The following TIPIN variants were observed in gnomAD, a reference collection of about 807,000 sequenced individuals.
TIPIN encodes TIMELESS-interacting protein.
Under a neutral mutation model 35.6 loss-of-function variants are expected in TIPIN, and 29 were observed. The observed-to-expected ratio is 0.82, with a 90% confidence interval of 0.61 to 1.11. TIPIN has a LOEUF of 1.11. Ranked by LOEUF, TIPIN falls within the 50% of genes most tolerant of loss-of-function variation. The pLI is 0.00. For missense variants in TIPIN, 296 were observed against 345.4 expected (o/e 0.86, Z 1.13); for synonymous variants, 102 against 121.5 (o/e 0.84, Z 1.06).
rs928699172 is a variant in TIPIN at position 66,379,807 on chromosome 15, C to T, written c.-9+6800G>A. 13 of 1,599,320 alleles carry T rather than the reference C, an allele frequency of 8.1e-6. No homozygotes were observed. The South Asian group carries it at 8.8e-5, about 11-fold the overall frequency. Reference sequence around the variant, plus strand: ...AGTTCTACATTGATGTGATTGAAGTCCCTCCGCAGGGTTCCTCTGGGGCCA... The same window carrying T: ...AGTTCTACATTGATGTGATTGAAGTTCCTCCGCAGGGTTCCTCTGGGGCCA... On this transcript the variant is annotated intron_variant, in intron 1 of 7. Coordinates refer to the TIPIN transcript ENST00000562124.
chr15:66,341,173 C>T lies in TIPIN; in HGVS notation c.659G>A (p.Ser220Asn), dbSNP rs1400694852. The T allele has an allele frequency of 1.9e-6, 3 of 1,611,786 alleles. No homozygotes were observed. The highest frequency in any genetic ancestry group is 3.3e-5 in the Admixed American group (2 of 59,978). ...ALERRQAKLLSNSQTLGNDML... is the reference protein window; with the variant it reads ...ALERRQAKLLNNSQTLGNDML... ...ACCATTTCCTAGGGTCTGACTATTA[C>T]TCAGCAGCTTTGCCTGCCTTCTTTC... Residue 220 changes from serine (S) to asparagine (N), a missense_variant, in exon 7 of 8, where the codon AGT becomes AAT. Physicochemically the swap from Ser to Asn is conservative, Grantham distance 46. Coordinates refer to ENST00000261881, the MANE Select transcript of TIPIN (RefSeq NM_017858.3).
chr15:66,343,807 G>T (rs1203848166), intron 6 of TIPIN, among the ~76,000 whole-genome samples: 2 of 151,974 alleles, frequency 1.3e-5, no homozygotes, highest in East Asian at 3.9e-4. Context: ...AAGACCAGTC[G>T]GACCAACATG....
intron 1 of TIPIN, among the ~76,000 whole-genome samples, chr15:66,369,801 A>C (rs1334131281): frequency 6.6e-6 from 1 of 152,206 alleles, no homozygotes; most frequent in Non-Finnish European, 1.5e-5. Flanking sequence ...AAACTTTATA[A>C]TGGCTCTGCT....
chr15:66,349,104 C>T lies in TIPIN; in HGVS notation c.431G>A (p.Arg144Gln), dbSNP rs770703850. Residue 144 changes from arginine (R) to glutamine (Q), a missense_variant, in exon 6 of 8, where the codon CGA (arginine) becomes CAA (glutamine). Transcript: ENST00000261881. Reference protein sequence around the residue: ...KEVQTCLKRIRLDLPILHEDF... With the variant: ...KEVQTCLKRIQLDLPILHEDF... ...TTCATGTAAAATAGGGAGATCAAGT[C>T]GAATTCGTTTTAAACAGGTCTGAAA... The T allele has an allele frequency of 1.8e-5, 29 of 1,610,402 alleles. No individual in the cohort carries two copies. Among genetic ancestry groups the T allele is most frequent in the Non-Finnish European group, 2.2e-5 (26 of 1,178,444 alleles).
intron 1 of TIPIN, among the ~76,000 whole-genome samples, chr15:66,365,661 C>T (rs2093251009): frequency 6.6e-6 from 1 of 152,172 alleles, no homozygotes; most frequent in Non-Finnish European, 1.5e-5. Context: ...ATTCTCTTGC[C>T]TCAGCCTCCT....
At chr15:66,374,460 G>A (rs1158978755) in intron 1 of TIPIN, among the ~76,000 whole-genome samples, 1 of 151,994 alleles carries the variant, frequency 6.6e-6, no homozygotes, top group Non-Finnish European at 1.5e-5. Flanking sequence ...ACCCAGGCTG[G>A]AGGCAGTGGC....
chr15:66,380,266 A>G (rs1002325134), intron 1 of TIPIN, among the ~76,000 whole-genome samples: 3 of 151,284 alleles, frequency 2.0e-5, no homozygotes, highest in Non-Finnish European at 4.4e-5. Context: ...CGGCCTCCCA[A>G]AGTGCTGGGA....
intron 1 of TIPIN, among the ~76,000 whole-genome samples, chr15:66,378,908 A>G (rs745429462): frequency 3.9e-5 from 6 of 152,028 alleles, no homozygotes; most frequent in Non-Finnish European, 5.9e-5. Context: ...GGCTAAGTTT[A>G]TCTTTTGTTA....
chr15:66,371,791 A>G (rs900053326), intron 1 of TIPIN, among the ~76,000 whole-genome samples: 1 of 152,008 alleles, frequency 6.6e-6, no homozygotes, highest in Non-Finnish European at 1.5e-5. Context: ...TGCTGGGATT[A>G]CAGGCGTGAG....
intron 1 of TIPIN, chr15:66,379,632 A>G (rs565987293): frequency 4.3e-6 from 7 of 1,609,620 alleles, no homozygotes; most frequent in South Asian, 3.3e-5. Context: ...GTAAGCATAC[A>G]CAGACCTCAT....
At chr15:66,349,945 G>T (rs531858080) in intron 4 of TIPIN, among the ~76,000 whole-genome samples, 140 of 97,462 alleles carry the variant, frequency 1.4e-3, no homozygotes, top group South Asian at 6.0e-3. Flanking sequence ...GGATACAGGG[G>T]TTTTTTTTGT....
chr15:66,339,157 A>G (rs55689325), intron 7 of TIPIN, among the ~76,000 whole-genome samples: 49,147 of 71,080 alleles, frequency 0.69, 21,942 homozygotes, highest in Admixed American at 0.77. Context: ...AAAAAAAAAA[A>G]GCAAAAAGAA....
intron 1 of TIPIN, among the ~76,000 whole-genome samples, chr15:66,374,451 C>T (rs1047780842): frequency 2.0e-5 from 3 of 152,072 alleles, no homozygotes; most frequent in Admixed American, 6.6e-5. Flanking sequence ...CACTCTGTCA[C>T]CCAGGCTGGA....
chr15:66,375,459 G>A (rs1255668929), intron 1 of TIPIN, among the ~76,000 whole-genome samples: 1 of 149,558 alleles, frequency 6.7e-6, no homozygotes, highest in East Asian at 2.0e-4. Context: ...ACAGGCATGA[G>A]CCACGACGCC....
rs62626358 is a variant in TIPIN, at chr15:66,356,631, GCT to G, written c.-9+6_-9+7del. On this transcript the variant is annotated splice_donor_region_variant and intron_variant, in intron 1 of 7. Coordinates refer to ENST00000261881, the MANE Select transcript of TIPIN (RefSeq NM_017858.3). ...AAGAACTTCATTGGCCCGCCAGCCAGCTCTCACCTCACGCAGAAAACACGGGA... is the reference window on the plus strand; with the variant it reads ...AAGAACTTCATTGGCCCGCCAGCCAGCTCACCTCACGCAGAAAACACGGGA... 0.31 allele frequency: 306,038 copies of G among 986,136 alleles called. 48,980 individuals carry two copies. The highest frequency in any genetic ancestry group is 0.32 in the South Asian group (6,924 of 21,316). The allele number at this position is 986,136 out of a possible 1,614,324, so 61.1% of individuals were successfully genotyped here. A position where few individuals can be genotyped will look rare whatever the true frequency, so the allele number is the denominator to read the frequency against.
chr15:66,355,284 C>T (rs554876113), intron 1 of TIPIN, among the ~76,000 whole-genome samples: 95 of 151,276 alleles, frequency 6.3e-4, no homozygotes, highest in African/African-American at 2.2e-3. Context: ...CCGCCCGCCT[C>T]GGCCTCCTAA....
At chr15:66,379,617 G>C in intron 1 of TIPIN, 1 of 1,609,656 alleles carries the variant, frequency 6.2e-7, no homozygotes, top group Non-Finnish European at 8.5e-7. Flanking sequence ...GACGATGATG[G>C]GGAAGTAAGC....
chr15:66,337,747 C>T (rs1470580218), intron 7 of TIPIN, among the ~76,000 whole-genome samples: 1 of 146,510 alleles, frequency 6.8e-6, no homozygotes, highest in Non-Finnish European at 1.5e-5. Context: ...CATAGTGAGA[C>T]CCCATGTCAA....
rs1365027835 is a variant in TIPIN, at chr15:66,349,101, A to G, written c.434T>C (p.Leu145Pro). The G allele has an allele frequency of 6.2e-7, 1 of 1,610,748 alleles. No individual in the cohort carries two copies. The change falls in exon 6 of 8, where the codon CTT becomes CCT. Residue 145 changes from leucine (L) to proline (P), a missense_variant. Coordinates refer to ENST00000261881, the MANE Select transcript of TIPIN (RefSeq NM_017858.3). ...EVQTCLKRIRLDLPILHEDFV... is the reference protein window; with the variant it reads ...EVQTCLKRIRPDLPILHEDFV... ...ATCTTCATGTAAAATAGGGAGATCA[A>G]GTCGAATTCGTTTTAAACAGGTCTG...
Sources: allele counts gnomAD v4.1 joint callset (sites outside exome capture counted in the v4.1 genomes callset), GRCh38; gene constraint gnomAD v4.1.1; transcripts MANE v1.5; gene names NCBI Gene and HGNC (gene_info 2026-07-23, HGNC 2026-07-21).